Variants in COLEC11 observed in about 807,000 individuals in gnomAD.
COLEC11 encodes the protein collectin subfamily member 11.
COLEC11 carries 20 observed loss-of-function variants against 27.3 expected under a neutral mutation model. The ratio of observed to expected loss-of-function variants is 0.73; its 90% CI spans 0.51 to 1.06. COLEC11 has a LOEUF of 1.06. Ranked by LOEUF, COLEC11 falls within the 50% of genes least tolerant of loss-of-function variation. COLEC11 has a pLI of 0.00. For missense variants in COLEC11, 310 were observed against 383.0 expected, an observed-to-expected ratio of 0.81 and a Z score of 1.59; for synonymous variants, 163 against 154.7, an observed-to-expected ratio of 1.05 and a Z score of -0.40.
At chr2:3,601,157 G>A (rs989055142) in intron 1 of COLEC11, among the ~76,000 whole-genome samples, 2 of 152,200 alleles carry the variant, frequency 1.3e-5, no homozygotes, top group Non-Finnish European at 2.9e-5. Context: ...ACACGGGCAG[G>A]GGGCCTCGGC....
At chr2:3,637,695 C>A in intron 4 of COLEC11, 91 bp downstream of exon 4, 3 of 1,006,168 alleles carry the variant, frequency 3.0e-6, no homozygotes, top group Non-Finnish European at 4.8e-6. Flanking sequence ...TGAATTGTCT[C>A]GTCTGGTGCT....
intron 4 of COLEC11, among the ~76,000 whole-genome samples, chr2:3,639,937 C>T (rs538882384): frequency 4.6e-5 from 7 of 152,024 alleles, no homozygotes; most frequent in South Asian, 2.1e-4. Context: ...TGAGAGAGGT[C>T]GGGTGCTGCT....
intron 3 of COLEC11, among the ~76,000 whole-genome samples, chr2:3,627,305 TGGG>T (rs1024689427): frequency 8.5e-5 from 8 of 94,002 alleles, no homozygotes; most frequent in East Asian, 3.8e-4. Flanking sequence ...GGCACGATGA[TGGG>T]GGGCATGATG....
chr2:3,619,088 T>G (rs987148800), intron 3 of COLEC11, among the ~76,000 whole-genome samples: 1 of 152,208 alleles, frequency 6.6e-6, no homozygotes, highest in Non-Finnish European at 1.5e-5. Flanking sequence ...TTTATTTATA[T>G]AAGATTATGC....
intron 3 of COLEC11, among the ~76,000 whole-genome samples, chr2:3,616,723 C>T (rs184137823): frequency 5.1e-4 from 78 of 152,162 alleles, no homozygotes; most frequent in African/African-American, 2.2e-4. Flanking sequence ...AGTCCAGCTT[C>T]GGCTCAGCAT....
chr2:3,609,451 C>T (rs1248820419), intron 2 of COLEC11, among the ~76,000 whole-genome samples: 8 of 146,688 alleles, frequency 5.5e-5, no homozygotes, highest in Non-Finnish European at 1.0e-4. Flanking sequence ...CTAACTGCAG[C>T]CTGCAACTCC....
intron 3 of COLEC11, among the ~76,000 whole-genome samples, chr2:3,622,121 A>G (rs1453699266): frequency 6.6e-6 from 1 of 150,692 alleles, no homozygotes; most frequent in East Asian, 1.9e-4. Flanking sequence ...GTGAGCTGAG[A>G]TTGTGCCACC....
At chr2:3,640,199 AT>A in intron 4 of COLEC11, 78 bp from the exon 5 acceptor site, 1 of 890,064 alleles carries the variant, frequency 1.1e-6, no homozygotes, top group Non-Finnish European at 1.9e-6. Flanking sequence ...GACAAATCAC[AT>A]TTTCAGTCTT....
rs1301752350 is a variant in COLEC11 at position 3,602,791 on chromosome 2, A to G, written c.-26-1524A>G. ...GCACTGTCCGGCATGCACTGCCTCA[A>G]GGCTTTCTCTGAGCCGCCCTCACCC... On this transcript the variant is annotated intron_variant, in intron 1 of 6. Coordinates refer to ENST00000349077, the MANE Select transcript of COLEC11 (RefSeq NM_024027.5). The surrounding 1 kb of genome is among the most constrained non-coding windows in gnomAD (Gnocchi z 6.2). 6.6e-6 allele frequency among the ~76,000 whole-genome samples: 1 copy of G among 152,080 alleles called. No homozygotes were observed. The highest frequency in any genetic ancestry group is 1.9e-4 in the East Asian group (1 of 5,170).
At chr2:3,600,208 C>T (rs1488591242) in intron 1 of COLEC11, among the ~76,000 whole-genome samples, 1 of 144,966 alleles carries the variant, frequency 6.9e-6, no homozygotes, top group African/African-American at 2.6e-5. Context: ...GCACCCCAGC[C>T]TGGGTGACAG....
chr2:3,641,561 T>C (rs936260375), intron 5 of COLEC11: 7 of 544,270 alleles, frequency 1.3e-5, no homozygotes, highest in African/African-American at 2.0e-5. Context: ...CTGACAGGGA[T>C]CTCTCCAGAA....
intron 5 of COLEC11, 81 bp downstream of exon 5, chr2:3,640,412 G>A (rs1283549759): frequency 8.7e-6 from 7 of 801,558 alleles, no homozygotes; most frequent in Non-Finnish European, 1.3e-5. Context: ...TCTACACCAT[G>A]TAGATCCCAC....
intron 4 of COLEC11, among the ~76,000 whole-genome samples, chr2:3,639,906 G>C (rs1214446597): frequency 6.6e-6 from 1 of 152,234 alleles, no homozygotes; most frequent in African/African-American, 2.4e-5. Context: ...ATCATGCTCC[G>C]TCTGGATTTT....
chr2:3,629,066 C>G (rs756526414), intron 3 of COLEC11, among the ~76,000 whole-genome samples: 1 of 152,140 alleles, frequency 6.6e-6, no homozygotes, highest in East Asian at 1.9e-4. Context: ...TGGAGGTGCA[C>G]GAGGCCTTGG....
At position 3,638,189 on chromosome 2, in the gene COLEC11, GTGA is replaced by G. The variant is rs772681925; in HGVS notation, c.274+589_274+591del. On this transcript the variant is annotated intron_variant, in intron 4 of 6. Transcript: ENST00000349077. ...GGCGGGCAGATCAGCTGCGCCTCCCGTGATGAGAGACTGAGGCCAGGACAGGCA... is the reference window on the plus strand; with the variant it reads ...GGCGGGCAGATCAGCTGCGCCTCCCGTGAGAGACTGAGGCCAGGACAGGCA... 2.6e-5 allele frequency among the ~76,000 whole-genome samples: 4 copies of G among 152,220 alleles called. No homozygotes were observed. The East Asian group carries it at 5.8e-4, about 22-fold the overall frequency.
intron 5 of COLEC11, among the ~76,000 whole-genome samples, chr2:3,642,066 G>A (rs1665908713): frequency 6.6e-6 from 1 of 152,248 alleles, no homozygotes; most frequent in African/African-American, 2.4e-5. Context: ...CAGCCGGAGG[G>A]AATCGGTTGG....
chr2:3,637,644 C>T lies in COLEC11; in HGVS notation c.274+40C>T, dbSNP rs753232774. 4.6e-6 allele frequency: 7 copies of T among 1,515,500 alleles called. No homozygotes were observed. In the East Asian group the frequency reaches 6.7e-5, roughly 15 times the overall value. The allele number at this position is 1,515,500 out of a possible 1,614,324, so 93.9% of individuals were successfully genotyped here. A position where few individuals can be genotyped will look rare whatever the true frequency, so the allele number is the denominator to read the frequency against. On this transcript the variant is annotated intron_variant, in intron 4 of 6. Transcript: ENST00000349077. ...ATTCTTGCCTCATTTCCCCCCTGCC[C>T]CTAGGGTCAGCGTCTGGATACCCTG...
At chr2:3,620,826 C>T (rs188419103) in intron 3 of COLEC11, among the ~76,000 whole-genome samples, 9 of 152,160 alleles carry the variant, frequency 5.9e-5, no homozygotes, top group Admixed American at 3.3e-4. Flanking sequence ...TTAATTTTCT[C>T]GTATTTGTGA....
At chr2:3,640,153 T>C in intron 4 of COLEC11, 125 bp from the exon 5 acceptor site, 2 of 721,146 alleles carry the variant, frequency 2.8e-6, no homozygotes, top group Non-Finnish European at 5.0e-6. Flanking sequence ...GCTCCGGTAC[T>C]TTGTAGCAAC....
Sources: allele counts gnomAD v4.1 joint callset (sites outside exome capture counted in the v4.1 genomes callset), GRCh38; gene constraint gnomAD v4.1.1; non-coding constraint Gnocchi (gnomAD v3.1); transcripts MANE v1.5; gene names NCBI Gene and HGNC (gene_info 2026-07-23, HGNC 2026-07-21).